The following MCTP1 variants were observed in gnomAD, a reference collection of about 807,000 sequenced individuals.
MCTP1 encodes multiple C2 and transmembrane domain containing 1.
In MCTP1, 69 loss-of-function variants were observed where a neutral mutation model predicts 120.6. The ratio of observed to expected loss-of-function variants is 0.57; its 90% confidence interval spans 0.47 to 0.70. The LOEUF (loss-of-function observed/expected upper bound fraction) is 0.70, where lower values mean the gene tolerates loss of function less well. MCTP1 is among the 30% of genes least tolerant of loss of function. MCTP1 has a pLI of 0.00. For missense variants in MCTP1, 1,203 were observed against 1,248.8 expected, an observed-to-expected ratio of 0.96 and a Z score of 0.55; for synonymous variants, 529 against 493.1, an observed-to-expected ratio of 1.07 and a Z score of -0.96.
At chr5:94,883,809 A>G (rs1368244928) in intron 12 of MCTP1, among the ~76,000 whole-genome samples, 1 of 152,194 alleles carries the variant, frequency 6.6e-6, no homozygotes, top group African/African-American at 2.4e-5. Context: ...ATTGTTTTCT[A>G]CAGGGCACTT....
intron 6 of MCTP1, among the ~76,000 whole-genome samples, chr5:94,927,211 T>G (rs1023001133): frequency 6.6e-6 from 1 of 152,168 alleles, no homozygotes; most frequent in African/African-American, 2.4e-5. Flanking sequence ...TTAAATAAAC[T>G]TACTACAAAT....
At chr5:94,805,667 T>C (rs1299811706) in intron 17 of MCTP1, among the ~76,000 whole-genome samples, 1 of 151,672 alleles carries the variant, frequency 6.6e-6, no homozygotes, top group African/African-American at 2.4e-5. Context: ...ACAAGTATCT[T>C]ATATCATATC....
intron 1 of MCTP1, among the ~76,000 whole-genome samples, chr5:95,213,706 G>A (rs562255470): frequency 3.3e-4 from 50 of 151,366 alleles, no homozygotes; most frequent in Admixed American, 1.4e-3. Context: ...CAGAAATAAT[G>A]CCACATATCT....
chr5:95,090,555 C>A (rs533391178), intron 1 of MCTP1, among the ~76,000 whole-genome samples: 1 of 152,140 alleles, frequency 6.6e-6, no homozygotes, highest in Admixed American at 6.6e-5. Context: ...TGGAGTTGTG[C>A]GGCACACAGG....
chr5:95,178,322 T>C (rs1359949131), intron 1 of MCTP1, among the ~76,000 whole-genome samples: 3 of 152,180 alleles, frequency 2.0e-5, no homozygotes, highest in Non-Finnish European at 4.4e-5. Context: ...CCCCACCCAC[T>C]GCCTGATCCT....
intron 1 of MCTP1, among the ~76,000 whole-genome samples, chr5:95,024,853 G>T (rs998105872): frequency 1.3e-5 from 2 of 152,094 alleles, no homozygotes; most frequent in Non-Finnish European, 2.9e-5. Flanking sequence ...TTAGGAGTAG[G>T]TTAATCAAGA....
intron 17 of MCTP1, among the ~76,000 whole-genome samples, chr5:94,854,087 T>TAGTCACATTCTAG (rs1794279659): frequency 6.6e-6 from 1 of 151,772 alleles, no homozygotes; most frequent in Non-Finnish European, 1.5e-5. Flanking sequence ...GATAGAAAAG[T>TAGTCACATTCTAG]AGTCACATTC....
intron 1 of MCTP1, among the ~76,000 whole-genome samples, chr5:95,214,312 G>A (rs1169057377): frequency 6.6e-6 from 1 of 152,194 alleles, no homozygotes; most frequent in African/African-American, 2.4e-5. Context: ...AAACCACAAT[G>A]AGATACCATC....
intron 1 of MCTP1, among the ~76,000 whole-genome samples, chr5:95,251,113 T>C (rs983794644): frequency 6.6e-6 from 1 of 152,034 alleles, no homozygotes; most frequent in African/African-American, 2.4e-5. Flanking sequence ...ACAAGTGCTA[T>C]AAAACAGCAG....
chr5:94,777,407 A>T (rs1416904526), intron 19 of MCTP1, among the ~76,000 whole-genome samples: 4 of 152,176 alleles, frequency 2.6e-5, no homozygotes, highest in African/African-American at 4.8e-5. Flanking sequence ...TCTCCATTAA[A>T]AATGGCCATA....
intron 19 of MCTP1, among the ~76,000 whole-genome samples, chr5:94,778,746 A>T (rs1446415970): frequency 1.3e-5 from 2 of 151,820 alleles, no homozygotes; most frequent in Non-Finnish European, 2.9e-5. Flanking sequence ...CTATTTTTCC[A>T]CTCTCTCTTC....
intron 1 of MCTP1, among the ~76,000 whole-genome samples, chr5:95,238,410 C>CTGCT (rs1281137898): frequency 6.6e-6 from 1 of 152,140 alleles, no homozygotes; most frequent in Non-Finnish European, 1.5e-5. Flanking sequence ...TTCTATCTCT[C>CTGCT]TGCTTTATGT....
At chr5:94,981,088 G>C (rs1289517455) in intron 2 of MCTP1, among the ~76,000 whole-genome samples, 3 of 152,162 alleles carry the variant, frequency 2.0e-5, no homozygotes, top group African/African-American at 7.2e-5. Flanking sequence ...TCCTGCTAAA[G>C]CATGGCGTCA....
At chr5:95,002,667 C>A (rs113407769) in intron 2 of MCTP1, among the ~76,000 whole-genome samples, 2,202 of 152,256 alleles carry the variant, frequency 0.014, 62 homozygotes, top group African/African-American at 0.05. Flanking sequence ...GCCTGTAACC[C>A]CATTGTATCT....
At chr5:95,084,886 T>G (rs1183924053) in intron 1 of MCTP1, among the ~76,000 whole-genome samples, 3 of 152,100 alleles carry the variant, frequency 2.0e-5, no homozygotes, top group African/African-American at 7.2e-5. Context: ...TTTCAACCCC[T>G]TTTTAAAAAT....
chr5:94,785,765 TAATA>T, intron 18 of MCTP1, among the ~76,000 whole-genome samples: 1 of 152,104 alleles, frequency 6.6e-6, no homozygotes, highest in Non-Finnish European at 1.5e-5. Flanking sequence ...TTTAAGTGTC[TAATA>T]AAAGGTACAC....
At chr5:95,044,123 G>A (rs1842786091) in intron 1 of MCTP1, among the ~76,000 whole-genome samples, 2 of 152,218 alleles carry the variant, frequency 1.3e-5, no homozygotes, top group Non-Finnish European at 2.9e-5. Flanking sequence ...ACCCATCCAA[G>A]TACTTTGTTG....
chr5:94,776,600 T>A (rs11954197), intron 19 of MCTP1, among the ~76,000 whole-genome samples: 113 of 152,310 alleles, frequency 7.4e-4, no homozygotes, highest in African/African-American at 2.6e-3. Flanking sequence ...CATTTATTAA[T>A]CTTTTTTACT....
At chr5:95,000,873 T>C (rs1410227735) in intron 2 of MCTP1, among the ~76,000 whole-genome samples, 1 of 152,190 alleles carries the variant, frequency 6.6e-6, no homozygotes, top group Non-Finnish European at 1.5e-5. Context: ...CAACTTGCAA[T>C]CCTACAAGCA....
Sources: allele counts gnomAD v4.1 joint callset (sites outside exome capture counted in the v4.1 genomes callset), GRCh38; gene constraint gnomAD v4.1.1; transcripts MANE v1.5; gene names NCBI Gene and HGNC (gene_info 2026-07-23, HGNC 2026-07-21).